CDH23: variants seen among roughly 807,000 people sequenced by gnomAD.
The protein encoded by CDH23 is cadherin related 23.
In CDH23, 189 loss-of-function variants were observed where a neutral mutation model predicts 317.1. The observed-to-expected ratio is 0.60, with a 90% CI of 0.53 to 0.67. The LOEUF (loss-of-function observed/expected upper bound fraction) is 0.67, where lower values mean the gene tolerates loss of function less well. Among genes scored for constraint, CDH23 ranks in the 30% least tolerant of loss-of-function variants. CDH23 has a pLI of 0.00. For missense variants in CDH23, 4,401 were observed against 4,592.4 expected, an observed-to-expected ratio of 0.96 and a Z score of 1.20; for synonymous variants, 1,839 against 1,876.8, an observed-to-expected ratio of 0.98 and a Z score of 0.52.
intron 38 of CDH23, among the ~76,000 whole-genome samples, chr10:71,745,582 C>T (rs1273307221): frequency 1.3e-5 from 2 of 152,182 alleles, no homozygotes; most frequent in African/African-American, 4.8e-5. Context: ...AGGGGTCCTG[C>T]AGCCCACAGT....
intron 1 of CDH23, among the ~76,000 whole-genome samples, chr10:71,412,543 AC>A (rs1296810940): frequency 6.6e-6 from 1 of 151,268 alleles, no homozygotes; most frequent in East Asian, 2.0e-4. Context: ...GCTACACTAA[AC>A]TGTAGTGCAC....
intron 21 of CDH23, 83 bp from the exon 22 acceptor site, chr10:71,695,335 A>G (rs930422457): frequency 8.4e-6 from 8 of 951,786 alleles, no homozygotes; most frequent in Middle Eastern, 2.1e-4. Flanking sequence ...GCCCGTGGGC[A>G]TCTGAGCACT....
At chr10:71,631,291 T>A (rs1862004039) in intron 11 of CDH23, among the ~76,000 whole-genome samples, 1 of 152,128 alleles carries the variant, frequency 6.6e-6, no homozygotes, top group Non-Finnish European at 1.5e-5. Flanking sequence ...CTGGGTTCAC[T>A]TGGGAAAGGG....
intron 14 of CDH23, among the ~76,000 whole-genome samples, chr10:71,667,409 T>A (rs1479670347): frequency 6.9e-6 from 1 of 144,810 alleles, no homozygotes. Flanking sequence ...CGTGTGTGTG[T>A]GAGGGGTGGA....
intron 1 of CDH23, among the ~76,000 whole-genome samples, chr10:71,411,365 G>A (rs1700673260): frequency 6.6e-6 from 1 of 151,740 alleles, no homozygotes. Flanking sequence ...TTCCTTCTAT[G>A]TGTTTTATGT....
At chr10:71,531,000 C>T (rs573634213) in intron 6 of CDH23, among the ~76,000 whole-genome samples, 52 of 152,340 alleles carry the variant, frequency 3.4e-4, no homozygotes, top group Admixed American at 5.9e-4. Context: ...ATGAGGCTCT[C>T]GGCTCTGTGG....
At chr10:71,617,596 T>G in intron 11 of CDH23, 1 of 1,325,146 alleles carries the variant, frequency 7.5e-7, no homozygotes, top group South Asian at 1.5e-5. Flanking sequence ...GCAAAAAACA[T>G]GTAAGCACAT....
intron 38 of CDH23, among the ~76,000 whole-genome samples, chr10:71,756,851 A>T (rs907393108): frequency 3.9e-5 from 6 of 152,242 alleles, no homozygotes; most frequent in African/African-American, 1.4e-4. Context: ...TTTGGGAATA[A>T]AGGCTGTTTT....
chr10:71,415,465 A>T (rs940868749), intron 1 of CDH23, among the ~76,000 whole-genome samples: 11 of 151,976 alleles, frequency 7.2e-5, no homozygotes, highest in African/African-American at 2.7e-4. Context: ...CAAAAAAACA[A>T]TTTTTCAGTT....
intron 22 of CDH23, among the ~76,000 whole-genome samples, chr10:71,697,315 G>A (rs1422642442): frequency 1.3e-5 from 2 of 152,148 alleles, no homozygotes; most frequent in African/African-American, 2.4e-5. Flanking sequence ...GGAAATCCAC[G>A]AGCTATCAGG....
chr10:71,725,330 T>C (rs757906314), intron 29 of CDH23, 42 bp from the exon 30 acceptor site: 1 of 1,613,972 alleles, frequency 6.2e-7, no homozygotes, highest in Non-Finnish European at 8.5e-7. Flanking sequence ...AGGAGACTTC[T>C]GGGCAGGGCC....
At chr10:71,425,220 AGAGAGAGAGAGG>A (rs1286382277) in intron 1 of CDH23, among the ~76,000 whole-genome samples, 1,282 of 52,584 alleles carry the variant, frequency 0.024, 38 homozygotes, top group South Asian at 0.053. Flanking sequence ...ACAGTGGGGC[AGAGAGAGAGAGG>A]GAGAGAGAGA....
intron 14 of CDH23, among the ~76,000 whole-genome samples, chr10:71,659,031 G>T (rs1342630199): frequency 6.6e-6 from 1 of 152,234 alleles, no homozygotes; most frequent in African/African-American, 2.4e-5. Flanking sequence ...ACACCTGAGT[G>T]TTCCTGTAGA....
rs545091688 is a variant in CDH23, at chr10:71,732,242, A to G, written c.3971A>G (p.Glu1324Gly). 1 of 1,613,772 alleles carries G rather than the reference A, an allele frequency of 6.2e-7. No homozygotes were observed. The highest frequency in any genetic ancestry group is 8.5e-7 in the Non-Finnish European group (1 of 1,179,776). Residue 1324 changes from glutamate (E) to glycine (G), a missense_variant, in exon 32 of 70, where the codon GAG (glutamate) becomes GGG (glycine). This residue lies in a region of CDH23 where 3,068 missense variants were observed against 3,203.3 expected (regional missense o/e 0.96). Coordinates refer to ENST00000224721, the MANE Select transcript of CDH23 (RefSeq NM_022124.6). ...SNASYEAAILENLALGTEIVR... is the reference protein window; with the variant it reads ...SNASYEAAILGNLALGTEIVR... ...GCCTCATACGAGGCTGCCATCCTGG[A>G]GAATCTGGCACTGGGTACTGAGATT... is the stretch of plus-strand genomic sequence containing the variant.
chr10:71,469,691 T>C (rs10999833), intron 3 of CDH23, among the ~76,000 whole-genome samples: 72,005 of 151,680 alleles, frequency 0.47, 17,721 homozygotes, highest in East Asian at 0.69. Flanking sequence ...CTGCAACCTG[T>C]ACCTCCTGGG....
chr10:71,429,068 T>A (rs1349472410), intron 1 of CDH23, among the ~76,000 whole-genome samples: 3 of 152,252 alleles, frequency 2.0e-5, no homozygotes, highest in Non-Finnish European at 2.9e-5. Context: ...TGCATAAAAG[T>A]TTTTCATTTT....
chr10:71,659,744 C>T (rs1401315053), intron 14 of CDH23, among the ~76,000 whole-genome samples: 2 of 152,178 alleles, frequency 1.3e-5, no homozygotes, highest in South Asian at 2.1e-4. Context: ...TCATGACCAA[C>T]TAATGGATAG....
At chr10:71,634,983 G>T (rs540114486) in intron 11 of CDH23, among the ~76,000 whole-genome samples, 70 of 152,354 alleles carry the variant, frequency 4.6e-4, no homozygotes, top group Non-Finnish European at 8.1e-4. Context: ...CTGGAATGCA[G>T]AAGAGAAAGA....
chr10:71,500,342 G>T (rs1471177522), intron 3 of CDH23, among the ~76,000 whole-genome samples: 1 of 152,194 alleles, frequency 6.6e-6, no homozygotes, highest in East Asian at 1.9e-4. Flanking sequence ...GAGCCTCTGG[G>T]TTTGTGTCGT....
Sources: allele counts gnomAD v4.1 joint callset (sites outside exome capture counted in the v4.1 genomes callset), GRCh38; gene constraint gnomAD v4.1.1; regional missense constraint gnomAD v4.1.1; transcripts MANE v1.5; gene names NCBI Gene and HGNC (gene_info 2026-07-23, HGNC 2026-07-21).